Variants in ITPRID1 observed in about 807,000 individuals in gnomAD.
The protein encoded by ITPRID1 is protein ITPRID1.
Under a neutral mutation model 95.4 loss-of-function variants are expected in ITPRID1, and 96 were observed. The ratio of observed to expected loss-of-function variants is 1.01; its 90% confidence interval spans 0.85 to 1.19. ITPRID1 has a LOEUF of 1.19. Among genes scored for constraint, ITPRID1 ranks in the 50% most tolerant of loss-of-function variants. ITPRID1 has a pLI of 0.00. For missense variants in ITPRID1, 1,339 were observed against 1,252.9 expected (o/e 1.07, Z -1.04); for synonymous variants, 510 against 453.6 (o/e 1.12, Z -1.58).
intron 1 of ITPRID1, among the ~76,000 whole-genome samples, chr7:31,545,566 A>G (rs1041642777): frequency 4.6e-5 from 7 of 152,128 alleles, no homozygotes; most frequent in Non-Finnish European, 1.0e-4. Context: ...AGCAGTATAT[A>G]TAGTCTTTGA....
intron 10 of ITPRID1, among the ~76,000 whole-genome samples, chr7:31,592,405 A>G (rs766965522): frequency 4.6e-5 from 7 of 152,236 alleles, no homozygotes; most frequent in South Asian, 2.1e-4. Flanking sequence ...AGCCTAATAC[A>G]TGTAAATCCC....
rs957453835 is a variant in ITPRID1 at position 31,582,997 on chromosome 7, G to C, written c.1171-137G>C. ...TCATCATCCCCGGTACCTCCTCCCA[G>C]CAGATTGCAAGTTATTTGAGTTCAG... On this transcript the variant is annotated intron_variant, in intron 9 of 14. Coordinates refer to ENST00000615280, the MANE Select transcript of ITPRID1 (RefSeq NM_001257967.3). 3 of 559,638 alleles carry C rather than the reference G, an allele frequency of 5.4e-6. No homozygotes were observed. In the Admixed American group the frequency reaches 8.5e-5, roughly 16 times the overall value. The allele number at this position is 559,638 out of a possible 1,614,324, so 34.7% of individuals were successfully genotyped here.
chr7:31,533,328 A>G (rs1783661470), intron 1 of ITPRID1, among the ~76,000 whole-genome samples: 1 of 152,186 alleles, frequency 6.6e-6, no homozygotes, highest in Admixed American at 6.5e-5. Context: ...TACATTGTTA[A>G]CACCCACAGA....
chr7:31,593,199 G>A (rs1785940908), intron 10 of ITPRID1, among the ~76,000 whole-genome samples: 2 of 152,044 alleles, frequency 1.3e-5, no homozygotes. Context: ...CAGCTACTCG[G>A]GAGGCTGAGG....
At chr7:31,649,132 A>G (rs1241758934) in intron 12 of ITPRID1, among the ~76,000 whole-genome samples, 1 of 152,266 alleles carries the variant, frequency 6.6e-6, no homozygotes, top group African/African-American at 2.4e-5. Context: ...TACGTTATTC[A>G]GTATAAAAGC....
chr7:31,526,734 C>T (rs1442229900), intron 1 of ITPRID1, among the ~76,000 whole-genome samples: 1 of 151,936 alleles, frequency 6.6e-6, no homozygotes, highest in Non-Finnish European at 1.5e-5. Context: ...GTAAGACCTG[C>T]AGTTTTTTTT....
chr7:31,619,852 G>C (rs924316639), intron 10 of ITPRID1, among the ~76,000 whole-genome samples: 2 of 152,166 alleles, frequency 1.3e-5, no homozygotes, highest in African/African-American at 4.8e-5. Flanking sequence ...CCCTTTCCTA[G>C]TCAAAGAAAG....
intron 10 of ITPRID1, among the ~76,000 whole-genome samples, chr7:31,586,137 A>T (rs1305400202): frequency 1.8e-4 from 24 of 132,258 alleles, no homozygotes; most frequent in African/African-American, 7.0e-4. Flanking sequence ...ATGATTTCCA[A>T]TTTCATCCAT....
chr7:31,540,819 T>G (rs767242265), intron 1 of ITPRID1, among the ~76,000 whole-genome samples: 2 of 152,170 alleles, frequency 1.3e-5, no homozygotes, highest in African/African-American at 4.8e-5. Flanking sequence ...GAAAGTGACA[T>G]TATTTACTTA....
Position 31,551,032 on chromosome 7 carries a change from ACT to A in ITPRID1, c.-24+1535_-24+1536del, listed in dbSNP as rs1007165267. ...TGCAAACTCTCCCATTCTAAATGAA[ACT>A]CACTTTCAGCCAAAATCAGTGAAGG... is the stretch of plus-strand genomic sequence containing the variant. On this transcript the variant is annotated intron_variant, in intron 2 of 14. Transcript: ENST00000615280. 2.1e-5 allele frequency among the ~76,000 whole-genome samples: 3 copies of A among 143,112 alleles called. 1 individual carries two copies. The highest frequency in any genetic ancestry group is 7.4e-5 in the African/African-American group (3 of 40,674). 93.9% of individuals were successfully genotyped at this position (143,112 alleles called of 152,430 possible).
intron 7 of ITPRID1, among the ~76,000 whole-genome samples, chr7:31,573,141 A>T (rs956103634): frequency 2.0e-5 from 3 of 152,144 alleles, no homozygotes; most frequent in African/African-American, 7.2e-5. Context: ...AGTTCACGTT[A>T]TAAGTTTCAA....
At chr7:31,580,326 T>C (rs1291438143) in intron 9 of ITPRID1, among the ~76,000 whole-genome samples, 4 of 144,680 alleles carry the variant, frequency 2.8e-5, no homozygotes. Flanking sequence ...GAATGTTAAA[T>C]CAATCTGCTA....
At chr7:31,559,141 C>G (rs1231347102) in intron 5 of ITPRID1, among the ~76,000 whole-genome samples, 1 of 152,086 alleles carries the variant, frequency 6.6e-6, no homozygotes, top group Non-Finnish European at 1.5e-5. Flanking sequence ...AATATCTCCC[C>G]CTAAGTATTT....
In ITPRID1 at chr7:31,653,065, T is replaced by C. The variant is rs147140713; in HGVS notation, c.*236T>C. 15 of 1,027,544 alleles carry C rather than the reference T, an allele frequency of 1.5e-5. No individual in the cohort carries two copies. The highest frequency in any genetic ancestry group is 3.1e-5 in the Admixed American group (1 of 32,234). 63.7% of individuals were successfully genotyped at this position (1,027,544 alleles called of 1,614,324 possible). On this transcript the variant is annotated 3_prime_UTR_variant, in exon 15 of 15. Coordinates refer to ENST00000615280, the MANE Select transcript of ITPRID1 (RefSeq NM_001257967.3). ...CACAGAGTATGCAACAGTGACTAAA[T>C]AGTATACGGTCTCTGCCCTGCTAGA...
intron 10 of ITPRID1, among the ~76,000 whole-genome samples, chr7:31,607,043 T>A (rs931123511): frequency 6.6e-6 from 1 of 152,168 alleles, no homozygotes; most frequent in African/African-American, 2.4e-5. Context: ...TTGAGTTTGA[T>A]TCTCTCTTTC....
intron 1 of ITPRID1, among the ~76,000 whole-genome samples, chr7:31,532,795 A>G (rs1392910950): frequency 1.3e-5 from 2 of 152,320 alleles, no homozygotes; most frequent in South Asian, 2.1e-4. Flanking sequence ...CTTCACAGAA[A>G]TGTACTAGTT....
intron 1 of ITPRID1, among the ~76,000 whole-genome samples, chr7:31,545,186 T>A (rs1784057881): frequency 6.6e-6 from 1 of 152,146 alleles, no homozygotes; most frequent in Non-Finnish European, 1.5e-5. Flanking sequence ...AATGAAACAG[T>A]GTCTAGTGAA....
In ITPRID1 at chr7:31,519,621, T is replaced by TCTCTCC. The variant is rs1554279823; in HGVS notation, c.-98+5501_-98+5502insCTCTCC. The stretch of plus-strand genomic sequence containing the variant: ...CTCTCTCTCTCTCTCTCTCTCTCTC[T>TCTCTCC]ATATATATATATATATATATATATA... On this transcript the variant is annotated intron_variant, in intron 1 of 14. Coordinates refer to ENST00000615280, the MANE Select transcript of ITPRID1 (RefSeq NM_001257967.3). 1.9e-3 allele frequency among the ~76,000 whole-genome samples: 56 copies of TCTCTCC among 30,166 alleles called. 4 individuals are homozygous for TCTCTCC. The highest frequency in any genetic ancestry group is 0.011 in the East Asian group (7 of 630). The allele number at this position is 30,166 out of a possible 152,430, so 19.8% of individuals were successfully genotyped here. A position where few individuals can be genotyped will look rare whatever the true frequency, so the allele number is the denominator to read the frequency against.
chr7:31,584,280 C>T (rs146448187), intron 10 of ITPRID1, among the ~76,000 whole-genome samples: 212 of 152,340 alleles, frequency 1.4e-3, no homozygotes, highest in African/African-American at 4.9e-3. Context: ...GTATGGGCCT[C>T]ATTTTGCTAA....
Sources: allele counts gnomAD v4.1 joint callset (sites outside exome capture counted in the v4.1 genomes callset), GRCh38; gene constraint gnomAD v4.1.1; transcripts MANE v1.5; gene names NCBI Gene and HGNC (gene_info 2026-07-23, HGNC 2026-07-21).